The following GSE1 variants were observed in gnomAD, a reference collection of about 807,000 sequenced individuals.
The protein encoded by GSE1 is Gse1 coiled-coil protein, also known as genetic suppressor element 1.
A neutral mutation model predicts 112.6 loss-of-function variants in GSE1; 32 were observed. The ratio of observed to expected loss-of-function variants is 0.28; its 90% CI spans 0.21 to 0.38. The LOEUF is 0.38. GSE1 is among the 10% of genes least tolerant of loss of function. The pLI is 1.00. For missense variants in GSE1, 2,348 were observed against 1,699.2 expected, an observed-to-expected ratio of 1.38 and a Z score of -6.71; for synonymous variants, 1,115 against 735.6, an observed-to-expected ratio of 1.52 and a Z score of -8.35.
In GSE1 at chr16:85,676,176, CAAA is replaced by C. The variant is rs2053663285; in HGVS notation, c.*3641_*3643del. The C allele has an allele frequency of 6.5e-6, 1 of 152,678 alleles. No individual in the cohort carries two copies. The highest frequency in any genetic ancestry group is 1.5e-5 in the Non-Finnish European group (1 of 68,006). The allele number at this position is 152,678 out of a possible 1,614,324, so 9.5% of individuals were successfully genotyped here. A position where few individuals can be genotyped will look rare whatever the true frequency, so the allele number is the denominator to read the frequency against. Reference sequence around the variant, plus strand: ...TATTGCTGTAATTTCTGACAACATCCAAAAAATAAAATCTTCCTAAATTATGTT... The same window carrying C: ...TATTGCTGTAATTTCTGACAACATCCAAATAAAATCTTCCTAAATTATGTT... On this transcript the variant is annotated 3_prime_UTR_variant, in exon 16 of 16. Coordinates refer to ENST00000253458, the MANE Select transcript of GSE1 (RefSeq NM_014615.5).
At chr16:85,180,019 G>A (rs979819948) in intron 1 of GSE1, among the ~76,000 whole-genome samples, 1 of 152,254 alleles carries the variant, frequency 6.6e-6, no homozygotes, top group Admixed American at 6.5e-5. Context: ...TGTGTTGGCG[G>A]GGGGCTGTGG....
chr16:85,246,121 C>G (rs1476729404), intron 1 of GSE1, among the ~76,000 whole-genome samples: 1 of 151,048 alleles, frequency 6.6e-6, no homozygotes, highest in African/African-American at 2.4e-5. Flanking sequence ...CACACTAGCA[C>G]CCGTGTTTTC....
intron 2 of GSE1, among the ~76,000 whole-genome samples, chr16:85,370,101 G>A (rs959008054): frequency 1.1e-4 from 16 of 152,274 alleles, no homozygotes; most frequent in African/African-American, 1.7e-4. Flanking sequence ...GATACTGGCC[G>A]GACCCAGGAG....
chr16:85,393,109 G>A (rs937598531), intron 2 of GSE1, among the ~76,000 whole-genome samples: 9 of 152,212 alleles, frequency 5.9e-5, no homozygotes, highest in East Asian at 5.8e-4. Context: ...CTTGGAGGTC[G>A]GAAGAGAAAC....
At chr16:85,183,378 T>C (rs1051063331) in intron 1 of GSE1, among the ~76,000 whole-genome samples, 9 of 152,198 alleles carry the variant, frequency 5.9e-5, no homozygotes, top group Non-Finnish European at 1.3e-4. Flanking sequence ...TGGCACAGAC[T>C]CTGGAGTCCA....
rs1567520874 is a variant in GSE1 at position 85,478,922 on chromosome 16, TC to T, written c.2464+121280del. ...TTCTTTCTTTCTTTCTTTCTTTCTT[TC>T]TTTCTCTTTCTTTCTTTCTTTCTTT... is the stretch of plus-strand genomic sequence containing the variant. On this transcript the variant is annotated intron_variant, in intron 2 of 2. Transcript: ENST00000637419. Among the ~76,000 whole-genome samples, 211 of 51,112 alleles carry T rather than the reference TC, an allele frequency of 4.1e-3. 13 individuals carry two copies. Among genetic ancestry groups the T allele is most frequent in the Non-Finnish European group, 4.7e-3 (127 of 27,128 alleles). 33.5% of individuals were successfully genotyped at this position (51,112 alleles called of 152,430 possible).
intron 2 of GSE1, among the ~76,000 whole-genome samples, chr16:85,462,658 CCCGGGGAGCGCGGG>C (rs2050000701): frequency 7.6e-6 from 1 of 131,160 alleles, no homozygotes; most frequent in African/African-American, 2.8e-5. Context: ...GCGGAGGCTG[CCCGGGGAGCGCGGG>C]CGGGGGAGGG....
chr16:85,372,818 T>C (rs2047331262), intron 2 of GSE1, among the ~76,000 whole-genome samples: 1 of 151,850 alleles, frequency 6.6e-6, no homozygotes, highest in African/African-American at 2.4e-5. Context: ...GTTCACCAAA[T>C]CCTCACCACA....
chr16:85,207,559 A>ATCTAC (rs111744350), intron 1 of GSE1, among the ~76,000 whole-genome samples: 62,867 of 151,866 alleles, frequency 0.41, 13,195 homozygotes, highest in Middle Eastern at 0.48. Context: ...GCGGCAGGAG[A>ATCTAC]TCTTCTCAGA....
chr16:85,224,838 A>T (rs937935538), intron 1 of GSE1, among the ~76,000 whole-genome samples: 1 of 149,008 alleles, frequency 6.7e-6, no homozygotes, highest in Non-Finnish European at 1.5e-5. Flanking sequence ...AAATACAAAA[A>T]AAAAAAAAAA....
At chr16:85,281,826 C>T (rs1567660279) in intron 1 of GSE1, among the ~76,000 whole-genome samples, 1 of 152,156 alleles carries the variant, frequency 6.6e-6, no homozygotes, top group Admixed American at 6.5e-5. Context: ...CTCTTGATTT[C>T]AGGAGCTCTG....
At chr16:85,315,502 C>T (rs1404489927) in intron 1 of GSE1, among the ~76,000 whole-genome samples, 2 of 152,050 alleles carry the variant, frequency 1.3e-5, no homozygotes, top group Non-Finnish European at 2.9e-5. Context: ...TGGAGGGCCT[C>T]GGGTTGGCTG....
At chr16:85,600,155 A>C (rs1191641192) in intron 1 of GSE1, among the ~76,000 whole-genome samples, 1 of 152,086 alleles carries the variant, frequency 6.6e-6, no homozygotes, top group Non-Finnish European at 1.5e-5. Context: ...GGCTTCTTTG[A>C]GCTGAGCCTG....
Position 85,403,117 on chromosome 16 carries a change from C to T in GSE1, c.2464+45474C>T, listed in dbSNP as rs112846412. ...GGGGGGGGACTCAGTTCCTCTGGGC[C>T]GTGGGATAGAGGCCTCAGTTCCTTG... is the stretch of plus-strand genomic sequence containing the variant. On this transcript the variant is annotated intron_variant, in intron 2 of 2. Transcript: ENST00000637419. Among the ~76,000 whole-genome samples, 858 of 152,110 alleles carry T rather than the reference C, an allele frequency of 5.6e-3. 11 individuals carry two copies. Among genetic ancestry groups the T allele is most frequent in the African/African-American group, 0.02 (816 of 41,486 alleles).
chr16:85,312,766 G>A (rs1195199387), intron 1 of GSE1, among the ~76,000 whole-genome samples: 2 of 151,744 alleles, frequency 1.3e-5, no homozygotes, highest in Non-Finnish European at 2.9e-5. Context: ...GGGGGAGGAA[G>A]GAGAGGAGGA....
chr16:85,352,172 CCT>C (rs1407416100), intron 1 of GSE1, among the ~76,000 whole-genome samples: 2 of 152,192 alleles, frequency 1.3e-5, no homozygotes, highest in Non-Finnish European at 1.5e-5. Context: ...ACCCTCCTCC[CCT>C]GAGTCTACCA....
chr16:85,671,670 C>T (rs960635115), intron 15 of GSE1, among the ~76,000 whole-genome samples: 14 of 152,132 alleles, frequency 9.2e-5, no homozygotes, highest in Middle Eastern at 3.4e-3. Context: ...TATAGAATAT[C>T]GATCCTGGAA....
chr16:85,663,653 G>C, intron 11 of GSE1, 39 bp downstream of exon 11: 1 of 1,574,406 alleles, frequency 6.4e-7, no homozygotes, highest in Non-Finnish European at 8.6e-7. Flanking sequence ...GGGCTCACTG[G>C]GGTGGAAGTG....
At chr16:85,332,307 T>C (rs1309013740) in intron 1 of GSE1, among the ~76,000 whole-genome samples, 1 of 152,210 alleles carries the variant, frequency 6.6e-6, no homozygotes, top group Non-Finnish European at 1.5e-5. Flanking sequence ...CAGACCCAGA[T>C]GGGTCGAATT....
Sources: allele counts gnomAD v4.1 joint callset (sites outside exome capture counted in the v4.1 genomes callset), GRCh38; gene constraint gnomAD v4.1.1; transcripts MANE v1.5; gene names NCBI Gene and HGNC (gene_info 2026-07-23, HGNC 2026-07-21).